ITIH2: variants seen among roughly 807,000 people sequenced by gnomAD.
ITIH2 encodes inter-alpha-trypsin inhibitor heavy chain H2.
In ITIH2, 103 loss-of-function variants were observed where a neutral mutation model predicts 104.4. The observed-to-expected ratio is 0.99, with a 90% CI of 0.84 to 1.16. The LOEUF is 1.16. ITIH2 is among the 50% of genes most tolerant of loss of function. ITIH2 has a pLI of 0.00. For missense variants in ITIH2, 1,108 were observed against 1,162.4 expected (o/e 0.95, Z 0.68); for synonymous variants, 436 against 435.4 (o/e 1.00, Z -0.02).
At chr10:7,746,996 G>T (rs12269514) in intron 20 of ITIH2, among the ~76,000 whole-genome samples, 11,660 of 152,214 alleles carry the variant, frequency 0.077, 520 homozygotes, top group South Asian at 0.088. Context: ...TGGATAACCA[G>T]ACACGTTGAT....
intron 11 of ITIH2, among the ~76,000 whole-genome samples, chr10:7,729,376 A>G (rs2130953801): frequency 6.6e-6 from 1 of 152,218 alleles, no homozygotes; most frequent in South Asian, 2.1e-4. Flanking sequence ...CTGTTTCTCA[A>G]CCATTCAGTT....
rs373805740 is a variant in ITIH2 at position 7,723,497 on chromosome 10, A to T, written c.914A>T (p.Asp305Val). ...CACTTCTTTGCTCCTGACAACCTGG[A>T]CCCAATTCCCAAAAACATCCTCTTT... ...FVHFFAPDNL[D>V]PIPKNILFVI... The change falls in exon 9 of 21, where the codon GAC becomes GTC. Residue 305 changes from aspartate (D) to valine (V), a missense_variant. Physicochemically the swap from Asp to Val is radical, Grantham distance 152. Coordinates refer to ENST00000358415, the MANE Select transcript of ITIH2 (RefSeq NM_002216.3). 33 of 1,614,008 alleles carry T rather than the reference A, an allele frequency of 2.0e-5. No homozygotes were observed. In the South Asian group the frequency reaches 3.6e-4, roughly 18 times the overall value.
intron 4 of ITIH2, among the ~76,000 whole-genome samples, chr10:7,711,120 T>A (rs1029004012): frequency 6.6e-6 from 1 of 152,136 alleles, no homozygotes; most frequent in Non-Finnish European, 1.5e-5. Flanking sequence ...ACACGGTGTG[T>A]AATATTCCCC....
chr10:7,735,071 A>G lies in ITIH2; in HGVS notation c.1937A>G (p.Gln646Arg). 1 of 1,610,288 alleles carries G rather than the reference A, an allele frequency of 6.2e-7. No homozygotes were observed. The highest frequency in any genetic ancestry group is 8.5e-7 in the Non-Finnish European group (1 of 1,179,756). ...CGCATGCTGGCGGATGCCCCACCGC[A>G]GGATCCCTCCTGCTGCTCAGGTCAG... ...DERMLADAPPQDPSCCSGALY... is the reference protein window; with the variant it reads ...DERMLADAPPRDPSCCSGALY... Residue 646 changes from glutamine (Q) to arginine (R), a missense_variant, in exon 15 of 21, where the codon CAG (glutamine) becomes CGG (arginine). Transcript: ENST00000358415.
At chr10:7,709,486 T>C (rs536854937) in intron 4 of ITIH2, among the ~76,000 whole-genome samples, 6 of 152,242 alleles carry the variant, frequency 3.9e-5, no homozygotes, top group African/African-American at 1.4e-4. Context: ...ATATACTGGG[T>C]TGCCCTGGCT....
At chr10:7,747,467 T>C (rs913081308) in intron 20 of ITIH2, among the ~76,000 whole-genome samples, 1 of 152,232 alleles carries the variant, frequency 6.6e-6, no homozygotes, top group Non-Finnish European at 1.5e-5. Context: ...TTAGTGAATA[T>C]GCCATTCAAT....
Position 7,738,774 on chromosome 10 carries a change from T to C in ITIH2, c.2095+16T>C. 1 of 1,571,448 alleles carries C rather than the reference T, an allele frequency of 6.4e-7. No homozygotes were observed. Among genetic ancestry groups the C allele is most frequent in the Non-Finnish European group, 8.6e-7 (1 of 1,158,978 alleles). On this transcript the variant is annotated intron_variant, in intron 16 of 20. Transcript: ENST00000358415. ...GTGATGAGAGGTAACGCTTCTACACTGCTTGCACGTCCCAGAACTCAGCCG... is the reference window on the plus strand; with the variant it reads ...GTGATGAGAGGTAACGCTTCTACACCGCTTGCACGTCCCAGAACTCAGCCG...
chr10:7,732,257 C>T (rs141472964), intron 13 of ITIH2, 81 bp from the exon 14 acceptor site: 60 of 1,433,968 alleles, frequency 4.2e-5, no homozygotes, highest in African/African-American at 2.8e-4. Context: ...CCCATTCATT[C>T]GCAGCAGGTA....
At chr10:7,714,415 G>C (rs919091316) in intron 5 of ITIH2, among the ~76,000 whole-genome samples, 2 of 151,742 alleles carry the variant, frequency 1.3e-5, no homozygotes, top group South Asian at 2.1e-4. Context: ...CTCGTGATCC[G>C]CCCGCCTCGG....
intron 15 of ITIH2, among the ~76,000 whole-genome samples, 169 bp from the exon 16 acceptor site, chr10:7,738,452 C>T (rs1472479996): frequency 6.6e-6 from 1 of 150,614 alleles, no homozygotes; most frequent in African/African-American, 2.4e-5. Context: ...CAGGCCTCCT[C>T]CCTCAGCAAC....
chr10:7,743,920 A>C (rs1289897112), intron 17 of ITIH2, among the ~76,000 whole-genome samples, 162 bp from the exon 18 acceptor site: 2 of 152,158 alleles, frequency 1.3e-5, no homozygotes, highest in Non-Finnish European at 2.9e-5. Flanking sequence ...TTAACATGTT[A>C]TAAAATGAGA....
chr10:7,732,868 C>T (rs1163476340), intron 14 of ITIH2, among the ~76,000 whole-genome samples: 1 of 152,128 alleles, frequency 6.6e-6, no homozygotes, highest in Non-Finnish European at 1.5e-5. Flanking sequence ...GCTGGGATTA[C>T]TGGTGCCCAC....
At chr10:7,720,990 G>T (rs1174394714) in intron 7 of ITIH2, 27 bp downstream of exon 7, 1 of 1,312,006 alleles carries the variant, frequency 7.6e-7, no homozygotes, top group Non-Finnish European at 1.1e-6. Context: ...GTGTTGCCAG[G>T]CATTCACAGG....
Position 7,731,963 on chromosome 10 carries a change from G to T in ITIH2, c.1614G>T (p.Leu538Phe). Residue 538 changes from leucine (L) to phenylalanine (F), a missense_variant, in exon 13 of 21, where the codon TTG (leucine) becomes TTT (phenylalanine). By Grantham distance (22) the Leu-to-Phe change is conservative. Coordinates refer to ENST00000358415, the MANE Select transcript of ITIH2 (RefSeq NM_002216.3). ...CAGGAAAATTTGACCCTGCTAAATT[G>T]GATCAAATAGAGAGCGTTATCACGG... ...VVAGKFDPAK[L>F]DQIESVITAT... 1 of 1,613,842 alleles carries T rather than the reference G, an allele frequency of 6.2e-7. No homozygotes were observed. The highest frequency in any genetic ancestry group is 8.5e-7 in the Non-Finnish European group (1 of 1,179,912).
At chr10:7,739,539 A>G (rs1250769537) in intron 16 of ITIH2, among the ~76,000 whole-genome samples, 1 of 152,114 alleles carries the variant, frequency 6.6e-6, no homozygotes, top group African/African-American at 2.4e-5. Context: ...TATGCCTAGC[A>G]CATACCAAAT....
intron 13 of ITIH2, 86 bp from the exon 14 acceptor site, chr10:7,732,248 CCATT>C: frequency 7.2e-7 from 1 of 1,384,866 alleles, no homozygotes; most frequent in Non-Finnish European, 1.0e-6. Flanking sequence ...TTTTTTATTC[CCATT>C]CATTCGCAGC....
At chr10:7,748,698 T>C (rs953953270) in intron 20 of ITIH2, among the ~76,000 whole-genome samples, 1 of 151,276 alleles carries the variant, frequency 6.6e-6, no homozygotes, top group Non-Finnish European at 1.5e-5. Context: ...TACACCACCA[T>C]GCCCAGGTAA....
In ITIH2 at chr10:7,732,437, CTG is replaced by C; in HGVS notation, c.1750_1751del (p.Trp584GlyfsTer11). ...TGCAGATCCCGATTTCACCAGGAAA[CTG>C]TGGGCCTATCTAACCATCAACCAAC... ...KHADPDFTRK[L>X]WAYLTINQLL... On this transcript the variant is annotated frameshift_variant, in exon 14 of 21. Transcript: ENST00000358415. LOFTEE classifies it high-confidence loss of function. 1 of 1,614,102 alleles carries C rather than the reference CTG, an allele frequency of 6.2e-7. No homozygotes were observed. Among genetic ancestry groups the C allele is most frequent in the South Asian group, 1.1e-5 (1 of 91,070 alleles).
intron 4 of ITIH2, among the ~76,000 whole-genome samples, chr10:7,710,537 T>A (rs1834787650): frequency 6.6e-6 from 1 of 152,180 alleles, no homozygotes; most frequent in South Asian, 2.1e-4. Flanking sequence ...ATTTTTTTTT[T>A]ATGAAGACAT....
Sources: allele counts gnomAD v4.1 joint callset (sites outside exome capture counted in the v4.1 genomes callset), GRCh38; gene constraint gnomAD v4.1.1; transcripts MANE v1.5; gene names NCBI Gene and HGNC (gene_info 2026-07-23, HGNC 2026-07-21).